Variants in PRR13 observed in about 807,000 individuals in gnomAD.
PRR13 encodes proline-rich protein 13.
Under a neutral mutation model 11.5 loss-of-function variants are expected in PRR13, and 7 were observed. That is an observed-to-expected ratio of 0.61 (90% CI 0.34 to 1.14). The LOEUF is 1.14. Ranked by LOEUF, PRR13 falls within the 50% of genes most tolerant of loss-of-function variation. The pLI is 0.03. For synonymous variants in PRR13, 53 were observed against 67.8 expected, an observed-to-expected ratio of 0.78 and a Z score of 1.07; for missense variants, 155 against 194.4, an observed-to-expected ratio of 0.80 and a Z score of 1.21.
chr12:53,445,346 T>TA (rs4020479), intron 3 of PRR13, among the ~76,000 whole-genome samples: 24,866 of 106,336 alleles, frequency 0.23, 2,450 homozygotes, highest in Admixed American at 0.29. Flanking sequence ...AAACTCCGTC[T>TA]AAAAAAAAAA....
At chr12:53,445,831 G>A (rs1565848035) in intron 3 of PRR13, among the ~76,000 whole-genome samples, 184 bp from the exon 4 acceptor site, 1 of 152,130 alleles carries the variant, frequency 6.6e-6, no homozygotes, top group South Asian at 2.1e-4. Context: ...ATTCCTGTAT[G>A]CTCACTGCTG....
rs76877563 is a variant in PRR13, at chr12:53,441,940, C to T, written c.-21+148C>T. The T allele has an allele frequency of 1.1e-3, 708 of 640,358 alleles. 10 individuals are homozygous for T. In the East Asian group the frequency reaches 0.018, roughly 17 times the overall value. 39.7% of individuals were successfully genotyped at this position (640,358 alleles called of 1,614,324 possible). A position where few individuals can be genotyped will look rare whatever the true frequency, so the allele number is the denominator to read the frequency against. On this transcript the variant is annotated intron_variant, in intron 1 of 3. Transcript: ENST00000429243. ...TCCACATATTTAAGTATTTGAGGTTCTTGGGCAACTTCCTTCTTACTTCGC... is the reference window on the plus strand; with the variant it reads ...TCCACATATTTAAGTATTTGAGGTTTTTGGGCAACTTCCTTCTTACTTCGC...
chr12:53,444,058 T>C (rs1030077713), intron 3 of PRR13: 4 of 474,366 alleles, frequency 8.4e-6, no homozygotes, highest in Non-Finnish European at 1.5e-5. Context: ...CCCAGAACTT[T>C]TGCTCCCCTC....
At chr12:53,444,329 GTT>G (rs959231725) in intron 3 of PRR13, among the ~76,000 whole-genome samples, 11 of 131,312 alleles carry the variant, frequency 8.4e-5, no homozygotes, top group East Asian at 2.2e-4. Context: ...GACTAAGGAG[GTT>G]TTTTTTTTTT....
At chr12:53,442,541 C>T in intron 1 of PRR13, 154 bp from the exon 2 acceptor site, 11 of 638,010 alleles carry the variant, frequency 1.7e-5, no homozygotes, top group Non-Finnish European at 5.5e-6. Flanking sequence ...CCGCGCCCAG[C>T]CAGAAAAGAG....
chr12:53,442,768 C>T (rs1166002199), intron 2 of PRR13, 35 bp downstream of exon 2: 3 of 1,591,106 alleles, frequency 1.9e-6, no homozygotes, highest in Non-Finnish European at 2.6e-6. Flanking sequence ...ACCCCTAACC[C>T]TTTTTCTGAT....
At chr12:53,444,381 T>C (rs953120650) in intron 3 of PRR13, among the ~76,000 whole-genome samples, 6 of 150,534 alleles carry the variant, frequency 4.0e-5, no homozygotes, top group African/African-American at 1.2e-4. Flanking sequence ...CCAGGCCAGA[T>C]TGCAGTGGCA....
At chr12:53,445,625 A>G (rs927146068) in intron 3 of PRR13, among the ~76,000 whole-genome samples, 5 of 152,216 alleles carry the variant, frequency 3.3e-5, no homozygotes, top group Non-Finnish European at 7.3e-5. Context: ...ATTTCTTAAA[A>G]TCATAGGACT....
intron 3 of PRR13, among the ~76,000 whole-genome samples, chr12:53,445,424 T>C (rs1940384550): frequency 6.6e-6 from 1 of 151,750 alleles, no homozygotes; most frequent in African/African-American, 2.4e-5. Flanking sequence ...GAAATTACCC[T>C]GGAGAGACTG....
chr12:53,446,205 G>A lies in PRR13; in HGVS notation c.*146G>A. 7 of 1,418,074 alleles carry A rather than the reference G, an allele frequency of 4.9e-6. No homozygotes were observed. The South Asian group carries it at 9.6e-5, about 19-fold the overall frequency. 87.8% of individuals were successfully genotyped at this position (1,418,074 alleles called of 1,614,324 possible). A position where few individuals can be genotyped will look rare whatever the true frequency, so the allele number is the denominator to read the frequency against. On this transcript the variant is annotated 3_prime_UTR_variant, in exon 4 of 4. Coordinates refer to ENST00000429243, the MANE Select transcript of PRR13 (RefSeq NM_018457.4). ...GCCTCACCCTGCTGTTGAGCCCTGAGTGGCTAGGGGAAATGGGAAGAGGAT... is the reference window on the plus strand; with the variant it reads ...GCCTCACCCTGCTGTTGAGCCCTGAATGGCTAGGGGAAATGGGAAGAGGAT...
intron 3 of PRR13, among the ~76,000 whole-genome samples, chr12:53,445,641 C>A (rs1467507211): frequency 2.0e-5 from 3 of 152,144 alleles, no homozygotes; most frequent in Non-Finnish European, 4.4e-5. Context: ...GGACTTTGCA[C>A]GCAGCTAATG....
Position 53,446,172 on chromosome 12 carries a change from C to G in PRR13, c.*113C>G, listed in dbSNP as rs8707. The G allele has an allele frequency of 0.18, 276,186 of 1,501,158 alleles. 25,657 individuals carry two copies. The highest frequency in any genetic ancestry group is 0.21 in the Non-Finnish European group (234,989 of 1,119,668). The allele number at this position is 1,501,158 out of a possible 1,614,324, so 93.0% of individuals were successfully genotyped here. ...CCCTTGTGCTCCCCACCCCCTACCTCCACCTGAGCCTCACCCTGCTGTTGA... is the reference window on the plus strand; with the variant it reads ...CCCTTGTGCTCCCCACCCCCTACCTGCACCTGAGCCTCACCCTGCTGTTGA... On this transcript the variant is annotated 3_prime_UTR_variant, in exon 4 of 4. Transcript: ENST00000429243.
At chr12:53,441,833 C>T (rs1422813032) in intron 1 of PRR13, 41 bp downstream of exon 1, 7 of 702,084 alleles carry the variant, frequency 1.0e-5, no homozygotes, top group Non-Finnish European at 1.8e-5. Flanking sequence ...TCCTTTTCCC[C>T]TTGCTAGGTC....
At chr12:53,445,585 T>A (rs1565847955) in intron 3 of PRR13, among the ~76,000 whole-genome samples, 1 of 152,196 alleles carries the variant, frequency 6.6e-6, no homozygotes. Flanking sequence ...CTGCTGTTTC[T>A]ACTGTCTTTT....
chr12:53,445,100 C>A (rs550946111), intron 3 of PRR13, among the ~76,000 whole-genome samples: 14 of 152,110 alleles, frequency 9.2e-5, no homozygotes, highest in Middle Eastern at 3.4e-3. Context: ...ACCTGTAATC[C>A]CAGCACTTTG....
chr12:53,444,457 G>C (rs1250120096), intron 3 of PRR13, among the ~76,000 whole-genome samples: 1 of 151,848 alleles, frequency 6.6e-6, no homozygotes, highest in Non-Finnish European at 1.5e-5. Context: ...AGCCTCCCGA[G>C]TAGCTGGGAC....
In PRR13 at chr12:53,446,328, A is replaced by C; in HGVS notation, c.*269A>C. 2.4e-6 allele frequency: 1 copy of C among 410,714 alleles called. No homozygotes were observed. Among genetic ancestry groups the C allele is most frequent in the Non-Finnish European group, 4.2e-6 (1 of 236,180 alleles). The allele number at this position is 410,714 out of a possible 1,614,324, so 25.4% of individuals were successfully genotyped here. The stretch of plus-strand genomic sequence containing the variant: ...TTTGAAGATGATGAACTAAATGTTG[A>C]AGACAAGTTTGAGATCTGTAAAATG... On this transcript the variant is annotated 3_prime_UTR_variant, in exon 4 of 4. Transcript: ENST00000429243.
intron 1 of PRR13, 30 bp from the exon 2 acceptor site, chr12:53,442,665 A>C: frequency 6.4e-7 from 1 of 1,571,784 alleles, no homozygotes; most frequent in Non-Finnish European, 8.8e-7. Flanking sequence ...CTAGACCGTC[A>C]TCTTTTTTGC....
Position 53,446,296 on chromosome 12 carries a change from G to C in PRR13, c.*237G>C. On this transcript the variant is annotated 3_prime_UTR_variant, in exon 4 of 4. Transcript: ENST00000429243. ...TATAGCTAATGAATTAGGCAGGGGA[G>C]CTATTTTTTGAAGATGATGAACTAA... is the stretch of plus-strand genomic sequence containing the variant. 1 of 503,232 alleles carries C rather than the reference G, an allele frequency of 2.0e-6. No homozygotes were observed. The allele number at this position is 503,232 out of a possible 1,614,324, so 31.2% of individuals were successfully genotyped here. A position where few individuals can be genotyped will look rare whatever the true frequency, so the allele number is the denominator to read the frequency against.
Sources: allele counts gnomAD v4.1 joint callset (sites outside exome capture counted in the v4.1 genomes callset), GRCh38; gene constraint gnomAD v4.1.1; transcripts MANE v1.5; gene names NCBI Gene and HGNC (gene_info 2026-07-23, HGNC 2026-07-21).